Variants in OPHN1 observed in about 807,000 individuals in gnomAD.
OPHN1 encodes oligophrenin 1.
Under a neutral mutation model 60.7 loss-of-function variants are expected in OPHN1, and 11 were observed. The observed-to-expected ratio is 0.18, with a 90% CI of 0.11 to 0.30. The LOEUF (loss-of-function observed/expected upper bound fraction) is 0.30. OPHN1 is among the 10% of genes least tolerant of loss of function. The pLI is 1.00. For missense variants in OPHN1, 449 were observed against 611.0 expected, an observed-to-expected ratio of 0.73 and a Z score of 2.80; for synonymous variants, 226 against 222.6, an observed-to-expected ratio of 1.02 and a Z score of -0.14.
At chrX:68,211,177 C>T (rs1025537088) in intron 8 of OPHN1, among the ~76,000 whole-genome samples, 1 of 94,233 alleles carries the variant, frequency 1.1e-5, no homozygotes, top group African/African-American at 3.8e-5. Flanking sequence ...ATAACAACAA[C>T]TGTAAATCCC....
At chrX:68,369,762 G>T (rs1219441044) in intron 2 of OPHN1, among the ~76,000 whole-genome samples, 2 of 108,336 alleles carry the variant, frequency 1.8e-5, no homozygotes, top group Non-Finnish European at 3.8e-5. Flanking sequence ...AGAAATAATG[G>T]CCAAAAATGT....
At chrX:68,395,773 A>C (rs1172420797) in intron 2 of OPHN1, among the ~76,000 whole-genome samples, 1 of 110,770 alleles carries the variant, frequency 9.0e-6, no homozygotes, top group African/African-American at 3.3e-5. Context: ...TTTTGTAGAA[A>C]TGAGGTCTTA....
intron 18 of OPHN1, among the ~76,000 whole-genome samples, chrX:68,106,979 T>C (rs1169951636): frequency 8.9e-6 from 1 of 112,049 alleles, no homozygotes; most frequent in African/African-American, 3.2e-5. Context: ...ATACCTAGAC[T>C]CAAAAATTAA....
At chrX:68,270,803 CTTG>C (rs1344694080) in intron 5 of OPHN1, among the ~76,000 whole-genome samples, 1 of 111,178 alleles carries the variant, frequency 9.0e-6, no homozygotes, top group Non-Finnish European at 1.9e-5. Flanking sequence ...GTCCATTGTT[CTTG>C]TTGTCATGAG....
intron 2 of OPHN1, among the ~76,000 whole-genome samples, chrX:68,353,446 T>C (rs996241705): frequency 2.5e-5 from 2 of 81,537 alleles, no homozygotes; most frequent in East Asian, 7.4e-4. Context: ...TGGTGGCGGG[T>C]GCCTGTAATC....
At position 68,282,851 on chromosome X, in the gene OPHN1, G is replaced by A. The variant is rs186874014; in HGVS notation, c.312+205C>T. Among the ~76,000 whole-genome samples the A allele has an allele frequency of 6.3e-5, 7 of 111,911 alleles. No individual in the cohort carries two copies. In the East Asian group the frequency reaches 8.4e-4, roughly 13 times the overall value. ...AAATGAACACAGATGGGATTTGCAC[G>A]TTAATTTCCCTCTATCTAATGCCAA... On this transcript the variant is annotated intron_variant, in intron 4 of 24. Coordinates refer to ENST00000355520, the MANE Select transcript of OPHN1 (RefSeq NM_002547.3).
chrX:68,180,963 T>A (rs1254862767), intron 15 of OPHN1, among the ~76,000 whole-genome samples: 1 of 111,235 alleles, frequency 9.0e-6, no homozygotes, highest in Non-Finnish European at 1.9e-5. Context: ...AAAAAATATA[T>A]CACAAACTTT....
At chrX:68,389,393 C>A (rs1467741521) in intron 2 of OPHN1, among the ~76,000 whole-genome samples, 2 of 108,157 alleles carry the variant, frequency 1.8e-5, no homozygotes, top group African/African-American at 6.7e-5. Context: ...CATGGTGAAA[C>A]CCCATCTCTA....
chrX:68,257,989 C>T (rs1488575948), intron 5 of OPHN1, among the ~76,000 whole-genome samples: 2 of 109,721 alleles, frequency 1.8e-5, no homozygotes, highest in African/African-American at 6.6e-5. Context: ...AAAATGCTCT[C>T]AAATAGTTCA....
At chrX:68,137,420 T>C (rs1290964029) in intron 15 of OPHN1, among the ~76,000 whole-genome samples, 1 of 112,042 alleles carries the variant, frequency 8.9e-6, no homozygotes, top group Non-Finnish European at 1.9e-5. Flanking sequence ...ATCAAGTATT[T>C]CTGGCCCAAC....
chrX:68,383,599 A>G (rs1312889078), intron 2 of OPHN1, among the ~76,000 whole-genome samples: 4 of 69,049 alleles, frequency 5.8e-5, no homozygotes, highest in African/African-American at 3.2e-4. Context: ...TCCATCCCAG[A>G]AAAAAAAAAA....
chrX:68,417,946 C>T (rs745418672), intron 2 of OPHN1, among the ~76,000 whole-genome samples: 9 of 112,749 alleles, frequency 8.0e-5, no homozygotes, highest in Non-Finnish European at 1.5e-4. Flanking sequence ...GACAAAACAA[C>T]GGCAATAGCT....
At chrX:68,394,646 T>C (rs1240207063) in intron 2 of OPHN1, among the ~76,000 whole-genome samples, 1 of 111,947 alleles carries the variant, frequency 8.9e-6, no homozygotes, top group Non-Finnish European at 1.9e-5. Context: ...GTTAAGTTTT[T>C]TTTGTTTTTT....
intron 2 of OPHN1, among the ~76,000 whole-genome samples, chrX:68,405,361 A>T (rs759669703): frequency 3.6e-5 from 4 of 111,167 alleles, no homozygotes; most frequent in Non-Finnish European, 3.8e-5. Context: ...GGCTAATTTT[A>T]AAAAAATTTT....
At chrX:68,340,292 A>G (rs2078344814) in intron 2 of OPHN1, among the ~76,000 whole-genome samples, 2 of 112,458 alleles carry the variant, frequency 1.8e-5, no homozygotes, top group Admixed American at 1.9e-4. Context: ...AAGAACTCAC[A>G]CTTCTAAATT....
chrX:68,337,796 C>CAAAAAAAAAAAAAAAAAAAAAAAAAAA, intron 2 of OPHN1, among the ~76,000 whole-genome samples: 1 of 62,801 alleles, frequency 1.6e-5, no homozygotes, highest in Non-Finnish European at 3.3e-5. Flanking sequence ...CACTCCAAAC[C>CAAAAAAAAAAAAAAAAAAAAAAAAAAA]AAAAAAAAAA....
At chrX:68,340,227 T>C (rs929353731) in intron 2 of OPHN1, among the ~76,000 whole-genome samples, 2 of 112,109 alleles carry the variant, frequency 1.8e-5, no homozygotes, top group East Asian at 5.6e-4. Context: ...GAAATTCATA[T>C]GGAAATTAAA....
chrX:68,212,250 T>C (rs1455874161), intron 7 of OPHN1, 38 bp from the exon 8 acceptor site: 1 of 936,704 alleles, frequency 1.1e-6, no homozygotes, highest in Non-Finnish European at 1.5e-6. Flanking sequence ...ATCACCAGCA[T>C]CTTCTAATAA....
chrX:68,212,776 T>G (rs2077590530), intron 7 of OPHN1, among the ~76,000 whole-genome samples: 1 of 112,351 alleles, frequency 8.9e-6, no homozygotes, highest in African/African-American at 3.2e-5. Context: ...CTTGTTCAGA[T>G]CTCATATAAA....
Sources: allele counts gnomAD v4.1 joint callset (sites outside exome capture counted in the v4.1 genomes callset), GRCh38; gene constraint gnomAD v4.1.1; transcripts MANE v1.5; gene names NCBI Gene and HGNC (gene_info 2026-07-23, HGNC 2026-07-21).